The following DDC variants were observed in gnomAD, a reference collection of about 807,000 sequenced individuals.
The protein encoded by DDC is aromatic-L-amino-acid decarboxylase.
A neutral mutation model predicts 60.0 loss-of-function variants in DDC; 43 were observed. The observed-to-expected ratio is 0.72, with a 90% CI of 0.56 to 0.92. The LOEUF (loss-of-function observed/expected upper bound fraction) is 0.92. DDC is among the 40% of genes least tolerant of loss of function. The pLI, the probability that DDC is intolerant of heterozygous loss-of-function variation, is 0.00. For synonymous variants in DDC, 232 were observed against 234.6 expected (o/e 0.99, Z 0.10); for missense variants, 573 against 620.2 (o/e 0.92, Z 0.81).
intron 13 of DDC, among the ~76,000 whole-genome samples, chr7:50,466,182 A>G (rs1307581937): frequency 6.6e-6 from 1 of 152,144 alleles, no homozygotes; most frequent in Non-Finnish European, 1.5e-5. Context: ...AAAGGCTTGA[A>G]ATGATTGTGA....
At chr7:50,522,853 C>A (rs750189747) in intron 6 of DDC, among the ~76,000 whole-genome samples, 11 of 152,146 alleles carry the variant, frequency 7.2e-5, no homozygotes, top group Non-Finnish European at 1.6e-4. Context: ...CGGAAACTTA[C>A]AATCATGGCA....
intron 6 of DDC, among the ~76,000 whole-genome samples, chr7:50,514,231 A>G (rs1485615108): frequency 6.6e-6 from 1 of 152,182 alleles, no homozygotes; most frequent in African/African-American, 2.4e-5. Flanking sequence ...AAGAGACAAC[A>G]ATCACTGCAG....
At chr7:50,538,220 G>C (rs1021694662) in intron 3 of DDC, among the ~76,000 whole-genome samples, 1 of 152,076 alleles carries the variant, frequency 6.6e-6, no homozygotes, top group East Asian at 1.9e-4. Flanking sequence ...TGGGCTCTGC[G>C]GGCTTGCTAG....
At chr7:50,507,044 A>G (rs1455109330) in intron 6 of DDC, among the ~76,000 whole-genome samples, 1 of 152,246 alleles carries the variant, frequency 6.6e-6, no homozygotes, top group Non-Finnish European at 1.5e-5. Flanking sequence ...CTCAGTTTGT[A>G]GAGCATGAGA....
intron 6 of DDC, among the ~76,000 whole-genome samples, chr7:50,522,013 T>A (rs2043905679): frequency 6.6e-6 from 1 of 152,094 alleles, no homozygotes; most frequent in African/African-American, 2.4e-5. Context: ...GACATGGTTA[T>A]CTGTGTAGAA....
intron 1 of DDC, among the ~76,000 whole-genome samples, chr7:50,547,853 G>A (rs2044857777): frequency 6.6e-6 from 1 of 152,182 alleles, no homozygotes; most frequent in African/African-American, 2.4e-5. Context: ...TAATAGTATA[G>A]GTACACCCCG....
At chr7:50,499,069 C>G (rs1177446466) in intron 8 of DDC, 79 bp downstream of exon 8, 1 of 1,110,184 alleles carries the variant, frequency 9.0e-7, no homozygotes, top group African/African-American at 1.5e-5. Flanking sequence ...AGAGACTGGA[C>G]GTCAGCTCCT....
intron 12 of DDC, among the ~76,000 whole-genome samples, chr7:50,469,852 GC>G (rs1362010327): frequency 1.3e-5 from 2 of 152,100 alleles, no homozygotes; most frequent in Non-Finnish European, 2.9e-5. Flanking sequence ...GATGGCGCAT[GC>G]CTGTAATCCT....
chr7:50,526,327 T>TAG (rs2044037037), intron 6 of DDC, among the ~76,000 whole-genome samples: 1 of 152,146 alleles, frequency 6.6e-6, no homozygotes, highest in Non-Finnish European at 1.5e-5. Flanking sequence ...CCAAACACTC[T>TAG]AGAATTCTAT....
intron 13 of DDC, among the ~76,000 whole-genome samples, chr7:50,465,647 C>T (rs1413254679): frequency 6.6e-6 from 1 of 152,232 alleles, no homozygotes; most frequent in Non-Finnish European, 1.5e-5. Flanking sequence ...GCTGGGATTA[C>T]AGGCGTGAGC....
chr7:50,504,737 A>G (rs998977775), intron 6 of DDC, among the ~76,000 whole-genome samples: 5 of 152,056 alleles, frequency 3.3e-5, no homozygotes, highest in Non-Finnish European at 7.4e-5. Context: ...GTGTGTGCAT[A>G]CACCCATGTG....
chr7:50,514,061 G>A (rs1585212635), intron 6 of DDC, among the ~76,000 whole-genome samples: 1 of 152,042 alleles, frequency 6.6e-6, no homozygotes, highest in Non-Finnish European at 1.5e-5. Context: ...GAACCCTCAC[G>A]GAGTCCATTG....
intron 9 of DDC, among the ~76,000 whole-genome samples, chr7:50,488,640 T>C (rs964921692): frequency 3.9e-5 from 6 of 152,160 alleles, no homozygotes; most frequent in Non-Finnish European, 8.8e-5. Context: ...AATATTTATG[T>C]GATCAAGTTG....
chr7:50,510,200 C>T (rs2043512882), intron 6 of DDC, among the ~76,000 whole-genome samples: 1 of 152,112 alleles, frequency 6.6e-6, no homozygotes. Flanking sequence ...TGGTCTCGAT[C>T]TCCTGACCTC....
chr7:50,521,625 T>C (rs933212886), intron 6 of DDC, among the ~76,000 whole-genome samples: 1 of 152,190 alleles, frequency 6.6e-6, no homozygotes, highest in African/African-American at 2.4e-5. Context: ...TAAATTAATA[T>C]AATCTATCAT....
chr7:50,460,380 C>G (rs572699474), intron 14 of DDC, among the ~76,000 whole-genome samples: 2 of 147,284 alleles, frequency 1.4e-5, no homozygotes, highest in Non-Finnish European at 3.0e-5. Flanking sequence ...GCCCCCCGCC[C>G]GGCCAGCCGC....
At chr7:50,487,024 G>T (rs2042900263) in intron 9 of DDC, among the ~76,000 whole-genome samples, 1 of 152,144 alleles carries the variant, frequency 6.6e-6, no homozygotes, top group Admixed American at 6.6e-5. Flanking sequence ...AATAGTTTAA[G>T]TAGGAAAAAG....
intron 4 of DDC, among the ~76,000 whole-genome samples, chr7:50,532,579 G>T (rs928243301): frequency 6.6e-6 from 1 of 152,112 alleles, no homozygotes; most frequent in Non-Finnish European, 1.5e-5. Context: ...CCTCATCCAT[G>T]AAAAAGATTG....
At chr7:50,518,975 T>C (rs557362878) in intron 6 of DDC, among the ~76,000 whole-genome samples, 90 of 152,324 alleles carry the variant, frequency 5.9e-4, no homozygotes, top group Non-Finnish European at 1.2e-3. Flanking sequence ...GGAGGAAATC[T>C]TCACAATCTA....
Sources: gnomAD v4.1 joint callset for allele counts (sites outside exome capture counted in the v4.1 genomes callset) on GRCh38, gnomAD v4.1.1 for gene constraint, MANE v1.5 for transcripts, NCBI Gene and HGNC (gene_info 2026-07-23, HGNC 2026-07-21) for gene names.